The following CSNK1G3 variants were observed in gnomAD, a reference collection of about 807,000 sequenced individuals.
The protein encoded by CSNK1G3 is casein kinase 1 gamma 3, also known as casein kinase I isoform gamma-3.
Under a neutral mutation model 64.3 loss-of-function variants are expected in CSNK1G3, and 23 were observed. The observed-to-expected ratio is 0.36, with a 90% confidence interval of 0.26 to 0.51. The LOEUF (loss-of-function observed/expected upper bound fraction) is 0.51, where lower values mean the gene tolerates loss of function less well. CSNK1G3 is among the 20% of genes least tolerant of loss of function. The pLI is 0.96. For missense variants in CSNK1G3, 357 were observed against 510.5 expected, an observed-to-expected ratio of 0.70 and a Z score of 2.90; for synonymous variants, 158 against 162.2, an observed-to-expected ratio of 0.97 and a Z score of 0.20.
intron 4 of CSNK1G3, among the ~76,000 whole-genome samples, chr5:123,566,222 GAT>G (rs1786845838): frequency 6.6e-6 from 1 of 152,100 alleles, no homozygotes; most frequent in African/African-American, 2.4e-5. Context: ...TATAAAATGA[GAT>G]ATTTAATGAA....
At chr5:123,604,928 CA>C (rs2151159096) in intron 11 of CSNK1G3, 98 bp downstream of exon 12, 6 of 918,430 alleles carry the variant, frequency 6.5e-6, no homozygotes, top group Non-Finnish European at 1.0e-5. Context: ...AAATTTTTTT[CA>C]GGGAATAGGT....
chr5:123,526,665 T>C (rs1480679157), intron 1 of CSNK1G3, among the ~76,000 whole-genome samples: 5 of 152,186 alleles, frequency 3.3e-5, no homozygotes, highest in Admixed American at 6.5e-5. Context: ...GAAACATGTG[T>C]TATATAACCT....
At chr5:123,569,300 T>C (rs1213678814) in intron 4 of CSNK1G3, among the ~76,000 whole-genome samples, 1 of 152,212 alleles carries the variant, frequency 6.6e-6, no homozygotes, top group Non-Finnish European at 1.5e-5. Flanking sequence ...ACTTTGTCAG[T>C]CTTGACTAAT....
chr5:123,614,576 C>G, exon 13 of CSNK1G3: 1 of 479,044 alleles, frequency 2.1e-6, no homozygotes, highest in Non-Finnish European at 3.6e-6. Flanking sequence ...TTTTTTTTCT[C>G]TAATTTAACC....
At chr5:123,574,468 A>G (rs941132986) in intron 5 of CSNK1G3, among the ~76,000 whole-genome samples, 1 of 152,192 alleles carries the variant, frequency 6.6e-6, no homozygotes, top group African/African-American at 2.4e-5. Flanking sequence ...TAACAGGGTT[A>G]GTTGAATAAA....
intron 1 of CSNK1G3, among the ~76,000 whole-genome samples, chr5:123,541,657 C>T (rs1048554239): frequency 6.6e-6 from 1 of 152,094 alleles, no homozygotes; most frequent in African/African-American, 2.4e-5. Context: ...GTCTTGAACT[C>T]CTGAGGTCAA....
chr5:123,599,002 A>G (rs1793951018), intron 10 of CSNK1G3, among the ~76,000 whole-genome samples: 1 of 152,166 alleles, frequency 6.6e-6, no homozygotes, highest in African/African-American at 2.4e-5. Context: ...CCTTTTTGAC[A>G]TGTTTCTACA....
intron 1 of CSNK1G3, among the ~76,000 whole-genome samples, chr5:123,518,665 C>CT (rs1266012163): frequency 6.6e-6 from 1 of 152,122 alleles, no homozygotes; most frequent in Non-Finnish European, 1.5e-5. Flanking sequence ...AACTAGTTAT[C>CT]ATAAGGGAAG....
intron 4 of CSNK1G3, among the ~76,000 whole-genome samples, chr5:123,562,289 GAAACCTTTATTTTTCTTTT>G (rs1279738823): frequency 1.3e-5 from 2 of 151,880 alleles, no homozygotes; most frequent in Non-Finnish European, 2.9e-5. Context: ...GTAAACCTTT[GAAACCTTTATTTTTCTTTT>G]ATCGTATGGT....
intron 6 of CSNK1G3, among the ~76,000 whole-genome samples, chr5:123,587,815 C>A (rs901014183): frequency 6.6e-6 from 1 of 152,018 alleles, no homozygotes; most frequent in African/African-American, 2.4e-5. Context: ...GAATAGACAT[C>A]TAAGCAGATA....
chr5:123,578,979 A>T (rs1252180847), intron 6 of CSNK1G3, among the ~76,000 whole-genome samples: 1 of 152,062 alleles, frequency 6.6e-6, no homozygotes, highest in African/African-American at 2.4e-5. Context: ...TAGACATCTT[A>T]CAACAGATAG....
chr5:123,568,398 CTT>C (rs2150590475), intron 4 of CSNK1G3, among the ~76,000 whole-genome samples: 1 of 152,236 alleles, frequency 6.6e-6, no homozygotes, highest in East Asian at 1.9e-4. Flanking sequence ...AAAATCCACT[CTT>C]TGTCTCACAT....
At chr5:123,566,290 T>G (rs761992499) in intron 4 of CSNK1G3, among the ~76,000 whole-genome samples, 1 of 152,238 alleles carries the variant, frequency 6.6e-6, no homozygotes, top group Non-Finnish European at 1.5e-5. Context: ...GAATTTTGTA[T>G]TCATACTCCT....
chr5:123,603,531 AAC>A (rs1794844809), intron 10 of CSNK1G3, among the ~76,000 whole-genome samples: 1 of 152,108 alleles, frequency 6.6e-6, no homozygotes, highest in African/African-American at 2.4e-5. Context: ...GATGTCAAGA[AAC>A]ACAACAAATA....
intron 6 of CSNK1G3, among the ~76,000 whole-genome samples, chr5:123,583,486 G>A (rs991829476): frequency 5.3e-5 from 8 of 151,768 alleles, no homozygotes; most frequent in East Asian, 2.0e-4. Context: ...TCAGCCTCCC[G>A]AGTAGCTGAG....
At chr5:123,589,940 C>T (rs1320319686) in intron 8 of CSNK1G3, among the ~76,000 whole-genome samples, 1 of 152,000 alleles carries the variant, frequency 6.6e-6, no homozygotes, top group East Asian at 1.9e-4. Flanking sequence ...TTTGAATTCT[C>T]TATTAGTTAG....
intron 1 of CSNK1G3, among the ~76,000 whole-genome samples, chr5:123,527,444 A>G (rs576204270): frequency 1.2e-4 from 18 of 151,914 alleles, no homozygotes; most frequent in South Asian, 4.2e-4. Context: ...GCTTGTTTCT[A>G]TTTTTCAGCT....
At chr5:123,609,094 T>G (rs1344566554) in intron 12 of CSNK1G3, among the ~76,000 whole-genome samples, 1 of 152,162 alleles carries the variant, frequency 6.6e-6, no homozygotes, top group Non-Finnish European at 1.5e-5. Context: ...GAGTAACTCA[T>G]GCAGGCAGAG....
chr5:123,578,572 T>G (rs1789619981), intron 6 of CSNK1G3, among the ~76,000 whole-genome samples: 1 of 151,938 alleles, frequency 6.6e-6, no homozygotes, highest in African/African-American at 2.4e-5. Flanking sequence ...TTCATTTTCT[T>G]AATGGTATCT....
Sources: gnomAD v4.1 joint callset for allele counts (sites outside exome capture counted in the v4.1 genomes callset) on GRCh38, gnomAD v4.1.1 for gene constraint, MANE v1.5 for transcripts, NCBI Gene and HGNC (gene_info 2026-07-23, HGNC 2026-07-21) for gene names.